The following PLG variants were observed in gnomAD, a reference collection of about 807,000 sequenced individuals.
The protein encoded by PLG is plasminogen.
PLG carries 41 observed loss-of-function variants against 104.4 expected under a neutral mutation model. The observed-to-expected ratio is 0.39, with a 90% CI of 0.31 to 0.51. The LOEUF is 0.51. Among genes scored for constraint, PLG ranks in the 20% least tolerant of loss-of-function variants. The pLI is 0.76. For synonymous variants in PLG, 337 were observed against 357.1 expected (o/e 0.94, Z 0.63); for missense variants, 891 against 1,003.6 (o/e 0.89, Z 1.52).
rs1480736764 is a variant in PLG at position 160,752,465 on chromosome 6, A to G, written c.2271+205A>G. Among the ~76,000 whole-genome samples the G allele has an allele frequency of 2.6e-5, 4 of 152,184 alleles. No homozygotes were observed. The highest frequency in any genetic ancestry group is 5.9e-5 in the Non-Finnish European group (4 of 68,020). On this transcript the variant is annotated intron_variant, in intron 18 of 18. Coordinates refer to ENST00000308192, the MANE Select transcript of PLG (RefSeq NM_000301.5). The surrounding 1 kb of genome is among the most constrained non-coding windows in gnomAD (Gnocchi z 4.7). ...TGTCTTGGGGCTTGAGTTCCAAATC[A>G]GTAGCAAGCGAGTTTTAAGTGCCAT...
Position 160,723,048 on chromosome 6 carries a change from TATAA to T in PLG, c.1256+485_1256+488del, listed in dbSNP as rs1012478760. Among the ~76,000 whole-genome samples the T allele has an allele frequency of 1.4e-4, 20 of 145,902 alleles. No homozygotes were observed. The highest frequency in any genetic ancestry group is 5.5e-4 in the African/African-American group (20 of 36,246). On this transcript the variant is annotated intron_variant, in intron 10 of 18. Transcript: ENST00000308192. The surrounding 1 kb of genome is among the most constrained non-coding windows in gnomAD (Gnocchi z 4.7). ...ATATATGTATACATATGTGTGCATA[TATAA>T]ATACACACATATATGAGATATACAA...
At chr6:160,742,793 G>A (rs766551798) in intron 17 of PLG, among the ~76,000 whole-genome samples, 24 of 152,134 alleles carry the variant, frequency 1.6e-4, no homozygotes, top group Non-Finnish European at 2.5e-4. Context: ...TTACATTTAA[G>A]TCTTTAATCC....
intron 5 of PLG, among the ~76,000 whole-genome samples, 160 bp from the exon 6 acceptor site, chr6:160,714,634 C>T (rs560919229): frequency 1.4e-5 from 2 of 143,648 alleles, no homozygotes; most frequent in African/African-American, 4.9e-5. Flanking sequence ...AATCCTGAGT[C>T]CTTATTGCCA....
At position 160,740,138 on chromosome 6, in the gene PLG, C is replaced by T. The variant is rs1778164452; in HGVS notation, c.2018+930C>T. ...GGATGAGAAGGCACGGGGCAGGAGCCTGAGCTGCTCTCCTGGGCCTGGCCA... is the reference window on the plus strand; with the variant it reads ...GGATGAGAAGGCACGGGGCAGGAGCTTGAGCTGCTCTCCTGGGCCTGGCCA... On this transcript the variant is annotated intron_variant, in intron 16 of 18. Transcript: ENST00000308192. This position sits in a 1 kb window ranked among gnomAD's most constrained non-coding sequence, Gnocchi z 5.2. 6.6e-6 allele frequency among the ~76,000 whole-genome samples: 1 copy of T among 152,180 alleles called. No individual in the cohort carries two copies. The highest frequency in any genetic ancestry group is 6.5e-5 in the Admixed American group (1 of 15,286).
rs746222696 is a variant in PLG, at chr6:160,713,017, C to T, written c.439C>T (p.Leu147=). 1 of 1,607,730 alleles carries T rather than the reference C, an allele frequency of 6.2e-7. No individual in the cohort carries two copies. The highest frequency in any genetic ancestry group is 1.3e-5 in the African/African-American group (1 of 74,864). ...ACCTGCTACACACCCCTCAGAGGGA[C>T]TGGAGGAGAACTACTGCAGGAATCC... The part of the protein sequence containing the change: ...FSPATHPSEG[L]EENYCRNPDN... Residue 147 remains leucine, a synonymous_variant, in exon 5 of 19, where the codon CTG becomes TTG. Transcript: ENST00000308192.
Position 160,744,816 on chromosome 6 carries a change from A to T in PLG, c.2125+3399A>T, listed in dbSNP as rs190155012. Among the ~76,000 whole-genome samples, 34 of 152,252 alleles carry T rather than the reference A, an allele frequency of 2.2e-4. No homozygotes were observed. The highest frequency in any genetic ancestry group is 3.8e-4 in the Non-Finnish European group (26 of 68,012). ...TGGTGCTATGAATTTCTCTCTTAAC[A>T]CTACCTTAGCTCTGTCCAAGAGATT... is the stretch of plus-strand genomic sequence containing the variant. On this transcript the variant is annotated intron_variant, in intron 17 of 18. Coordinates refer to ENST00000308192, the MANE Select transcript of PLG (RefSeq NM_000301.5). The surrounding 1 kb of genome is among the most constrained non-coding windows in gnomAD (Gnocchi z 4.5).
chr6:160,734,138 G>A lies in PLG; in HGVS notation c.1681+50G>A, dbSNP rs1406627454. 1 of 1,111,466 alleles carries A rather than the reference G, an allele frequency of 9.0e-7. No homozygotes were observed. Among genetic ancestry groups the A allele is most frequent in the Non-Finnish European group, 1.4e-6 (1 of 724,954 alleles). 68.9% of individuals were successfully genotyped at this position (1,111,466 alleles called of 1,614,324 possible). On this transcript the variant is annotated intron_variant, in intron 13 of 18. Coordinates refer to ENST00000308192, the MANE Select transcript of PLG (RefSeq NM_000301.5). The surrounding 1 kb of genome is among the most constrained non-coding windows in gnomAD (Gnocchi z 4.4). ...GAAACTGCTTACTTAATATGGATTT[G>A]CAACAAAAAAGGAAAAGGGCTTCTG...
Position 160,752,986 on chromosome 6 carries a change from C to T in PLG, c.2358C>T (p.Arg786=). The T allele has an allele frequency of 4.4e-6, 7 of 1,608,050 alleles. No homozygotes were observed. Among genetic ancestry groups the T allele is most frequent in the Non-Finnish European group, 4.3e-6 (5 of 1,174,992 alleles). The part of the protein sequence containing the change: ...GVTSWGLGCA[R]PNKPGVYVRV... ...CTTCTTGGGGTCTTGGCTGTGCACG[C>T]CCCAATAAGCCTGGTGTCTATGTTC... Residue 786 remains arginine (R), a synonymous_variant, in exon 19 of 19, where the codon CGC becomes CGT. Coordinates refer to ENST00000308192, the MANE Select transcript of PLG (RefSeq NM_000301.5). This position sits in a 1 kb window ranked among gnomAD's most constrained non-coding sequence, Gnocchi z 4.7.
chr6:160,706,546 T>C lies in PLG; in HGVS notation c.185+4T>C, dbSNP rs117192504. 2.0e-3 allele frequency: 3,273 copies of C among 1,613,422 alleles called. 122 individuals carry two copies. The East Asian group carries it at 0.066, about 32-fold the overall frequency. On this transcript the variant is annotated splice_donor_region_variant and intron_variant, in intron 2 of 18. Transcript: ENST00000308192. ...AGGACGAAGAATTCACCTGCAGGTA[T>C]TTCCATTGTCGTTGCACCTACGCAG...
chr6:160,724,889 T>A lies in PLG; in HGVS notation c.1256+2322T>A, dbSNP rs1035474716. Among the ~76,000 whole-genome samples, 12 of 152,184 alleles carry A rather than the reference T, an allele frequency of 7.9e-5. No homozygotes were observed. Among genetic ancestry groups the A allele is most frequent in the Non-Finnish European group, 1.5e-4 (10 of 68,024 alleles). Reference sequence around the variant, plus strand: ...AAGAAAAATAGTGCCAGATGGGAACTTTATACTAAGTAATGAAGAACCCTG... The same window carrying A: ...AAGAAAAATAGTGCCAGATGGGAACATTATACTAAGTAATGAAGAACCCTG... On this transcript the variant is annotated intron_variant, in intron 10 of 18. Coordinates refer to ENST00000308192, the MANE Select transcript of PLG (RefSeq NM_000301.5). The surrounding 1 kb of genome is among the most constrained non-coding windows in gnomAD (Gnocchi z 5.0).
chr6:160,716,873 G>T (rs770487729), intron 7 of PLG, 110 bp downstream of exon 7: 197 of 777,030 alleles, frequency 2.5e-4, no homozygotes, highest in Admixed American at 1.4e-4. Flanking sequence ...TGACCTACAA[G>T]TCCTATGGGA....
intron 17 of PLG, among the ~76,000 whole-genome samples, chr6:160,745,666 A>G (rs1018030939): frequency 6.6e-6 from 1 of 152,082 alleles, no homozygotes; most frequent in Non-Finnish European, 1.5e-5. Flanking sequence ...TAGTATTGCT[A>G]TGTGTGAATT....
rs1277042917 is a variant in PLG at position 160,737,620 on chromosome 6, G to A, written c.1802+613G>A. 6.6e-6 allele frequency among the ~76,000 whole-genome samples: 1 copy of A among 152,140 alleles called. No individual in the cohort carries two copies. Among genetic ancestry groups the A allele is most frequent in the African/African-American group, 2.4e-5 (1 of 41,414 alleles). On this transcript the variant is annotated intron_variant, in intron 14 of 18. Transcript: ENST00000308192. The surrounding 1 kb of genome is among the most constrained non-coding windows in gnomAD (Gnocchi z 4.7). ...TGCCTTTCATAAGTTCCATTTTCTT[G>A]GGTATCTCTTAGGAAGCAAGCATAG... is the stretch of plus-strand genomic sequence containing the variant.
At position 160,713,119 on chromosome 6, in the gene PLG, T is replaced by C. The variant is rs1777673874; in HGVS notation, c.541T>C (p.Cys181Arg). Residue 181 changes from cysteine (C) to arginine (R), a missense_variant, in exon 5 of 19, where the codon TGT becomes CGT. Cys to Arg is a radical substitution (Grantham distance 180). Around this residue, in one of 2 missense-constraint regions of PLG, gnomAD observed 854 missense variants for 932.1 expected, o/e 0.92. Transcript: ENST00000308192. ...ATATGACTACTGCGACATTCTTGAG[T>C]GTGAAGGTCAGGAGTGGTTCTAGAA... ...KRYDYCDILE[C>R]EEECMHCSGE... 6.2e-7 allele frequency: 1 copy of C among 1,610,056 alleles called. No homozygotes were observed. The highest frequency in any genetic ancestry group is 8.5e-7 in the Non-Finnish European group (1 of 1,178,158).
In PLG at chr6:160,723,346, T is replaced by C. The variant is rs1222523540; in HGVS notation, c.1256+779T>C. 6.6e-6 allele frequency among the ~76,000 whole-genome samples: 1 copy of C among 152,174 alleles called. No homozygotes were observed. Among genetic ancestry groups the C allele is most frequent in the Non-Finnish European group, 1.5e-5 (1 of 68,020 alleles). On this transcript the variant is annotated intron_variant, in intron 10 of 18. Coordinates refer to ENST00000308192, the MANE Select transcript of PLG (RefSeq NM_000301.5). The surrounding 1 kb of genome is among the most constrained non-coding windows in gnomAD (Gnocchi z 4.7). ...CCAGGTCTAACAAGGACAGCTTTTC[T>C]TCCATAAATGAGTACACAATATATG...
intron 17 of PLG, among the ~76,000 whole-genome samples, chr6:160,748,386 A>T (rs143127980): frequency 2.4e-5 from 1 of 41,294 alleles, no homozygotes. Context: ...GAAAGAAAGA[A>T]AGAAAGAAAG....
At chr6:160,713,407 T>C (rs1209150313) in intron 5 of PLG, 1 of 383,666 alleles carries the variant, frequency 2.6e-6, no homozygotes. Flanking sequence ...GTAGCTGGGA[T>C]TACAGGCATG....
chr6:160,731,788 G>C lies in PLG; in HGVS notation c.1482G>C (p.Ala494=). ...GNGKGYRGKR[A]TTVTGTPCQD... ...GGAAAGGATACCGAGGCAAGAGGGC[G>C]ACCACTGTTACTGGGACGCCATGCC... The change falls in exon 12 of 19, where the codon GCG becomes GCC. Residue 494 remains alanine (A), a synonymous_variant. Coordinates refer to ENST00000308192, the MANE Select transcript of PLG (RefSeq NM_000301.5). The surrounding 1 kb of genome is among the most constrained non-coding windows in gnomAD (Gnocchi z 5.1). The C allele has an allele frequency of 6.2e-7, 1 of 1,613,882 alleles. No individual in the cohort carries two copies.
chr6:160,707,177 G>C (rs961972979), intron 2 of PLG, among the ~76,000 whole-genome samples: 2 of 152,044 alleles, frequency 1.3e-5, no homozygotes, highest in Non-Finnish European at 2.9e-5. Context: ...AAGAGATGAA[G>C]TTGACTAAAG....
Sources: allele counts gnomAD v4.1 joint callset (sites outside exome capture counted in the v4.1 genomes callset), GRCh38; gene constraint gnomAD v4.1.1; regional missense constraint gnomAD v4.1.1; non-coding constraint Gnocchi (gnomAD v3.1); transcripts MANE v1.5; gene names NCBI Gene and HGNC (gene_info 2026-07-23, HGNC 2026-07-21).